LRP1B: variants seen among roughly 807,000 people sequenced by gnomAD.
LRP1B encodes low-density lipoprotein receptor-related protein 1B.
Under a neutral mutation model 556.6 loss-of-function variants are expected in LRP1B, and 217 were observed. That is an observed-to-expected ratio of 0.39 (90% CI 0.35 to 0.44). LRP1B has a LOEUF of 0.44. Ranked by LOEUF, LRP1B falls within the 20% of genes least tolerant of loss-of-function variation. The pLI, the probability that LRP1B is intolerant of heterozygous loss-of-function variation, is 1.00. For synonymous variants in LRP1B, 2,047 were observed against 1,865.8 expected (o/e 1.10, Z -2.50); for missense variants, 5,053 against 5,620.8 (o/e 0.90, Z 3.23).
At chr2:141,976,898 T>C (rs1269495829) in intron 1 of LRP1B, among the ~76,000 whole-genome samples, 1 of 152,262 alleles carries the variant, frequency 6.6e-6, no homozygotes, top group Non-Finnish European at 1.5e-5. Context: ...TTTTAAATTA[T>C]TGAATAGAAA....
intron 7 of LRP1B, among the ~76,000 whole-genome samples, chr2:141,107,132 TA>T (rs958383217): frequency 5.9e-5 from 9 of 151,828 alleles, no homozygotes; most frequent in Admixed American, 1.3e-4. Context: ...ATGTGATTTA[TA>T]AAAAAAATAA....
intron 5 of LRP1B, among the ~76,000 whole-genome samples, chr2:141,240,177 A>T (rs1175150943): frequency 1.3e-5 from 2 of 152,112 alleles, no homozygotes; most frequent in East Asian, 3.9e-4. Context: ...GATTTTAGGC[A>T]TCCTGATTAG....
chr2:142,075,620 G>A (rs1705469310), intron 1 of LRP1B, among the ~76,000 whole-genome samples: 2 of 151,966 alleles, frequency 1.3e-5, no homozygotes, highest in Non-Finnish European at 2.9e-5. Context: ...TTAAATGAGA[G>A]TCTCCTTTAG....
intron 18 of LRP1B, 89 bp downstream of exon 18, chr2:140,982,071 G>T (rs1696785716): frequency 1.9e-6 from 2 of 1,039,210 alleles, no homozygotes; most frequent in South Asian, 2.8e-5. Context: ...TACTCATAAA[G>T]AAATAAATAG....
Position 141,515,041 on chromosome 2 carries a change from G to A in LRP1B, c.206-34508C>T, listed in dbSNP as rs148408702. Among the ~76,000 whole-genome samples, 790 of 152,224 alleles carry A rather than the reference G, an allele frequency of 5.2e-3. 7 individuals are homozygous for A. Among genetic ancestry groups the A allele is most frequent in the African/African-American group, 0.018 (750 of 41,546 alleles). Reference sequence around the variant, plus strand: ...ATTCCAGCTGGGCATGGTGGCTCACGCCTGTAATCCCAGCACTTTGGGAGG... The same window carrying A: ...ATTCCAGCTGGGCATGGTGGCTCACACCTGTAATCCCAGCACTTTGGGAGG... On this transcript the variant is annotated intron_variant, in intron 2 of 90. Coordinates refer to ENST00000389484, the MANE Select transcript of LRP1B (RefSeq NM_018557.3).
chr2:141,669,028 G>A (rs1690560849), intron 2 of LRP1B, among the ~76,000 whole-genome samples: 1 of 152,152 alleles, frequency 6.6e-6, no homozygotes, highest in African/African-American at 2.4e-5. Context: ...TATCATAAAT[G>A]TTCTGAGTTA....
chr2:141,796,253 G>A (rs142573089), intron 2 of LRP1B, among the ~76,000 whole-genome samples: 1 of 151,864 alleles, frequency 6.6e-6, no homozygotes, highest in Non-Finnish European at 1.5e-5. Context: ...AATAGTTGTG[G>A]TAATGCCAAC....
chr2:140,814,294 A>G (rs1005772590), intron 31 of LRP1B, among the ~76,000 whole-genome samples: 1 of 152,138 alleles, frequency 6.6e-6, no homozygotes, highest in African/African-American at 2.4e-5. Context: ...AACAGTTTCA[A>G]CCGACAGAGA....
chr2:140,241,552 T>G (rs12053450), intron 87 of LRP1B, among the ~76,000 whole-genome samples: 79,403 of 150,294 alleles, frequency 0.53, 21,750 homozygotes, highest in Non-Finnish European at 0.6. Flanking sequence ...AATAAAAGGT[T>G]TCTTTTTTTC....
chr2:141,715,946 T>C (rs1488895451), intron 2 of LRP1B, among the ~76,000 whole-genome samples: 1 of 152,174 alleles, frequency 6.6e-6, no homozygotes, highest in Non-Finnish European at 1.5e-5. Flanking sequence ...CCTTTTTGTA[T>C]GGGAATATAG....
At chr2:142,114,456 A>T (rs1171632716) in intron 1 of LRP1B, among the ~76,000 whole-genome samples, 1 of 152,178 alleles carries the variant, frequency 6.6e-6, no homozygotes, top group Non-Finnish European at 1.5e-5. Context: ...TATCAAAGAG[A>T]TATCTGTGCC....
intron 2 of LRP1B, among the ~76,000 whole-genome samples, chr2:141,540,124 T>A (rs1412263984): frequency 6.6e-6 from 1 of 151,986 alleles, no homozygotes; most frequent in African/African-American, 2.4e-5. Context: ...ATTTATCACA[T>A]ATATTATTTC....
chr2:141,099,833 T>C (rs1354739681), intron 7 of LRP1B, among the ~76,000 whole-genome samples: 1 of 152,204 alleles, frequency 6.6e-6, no homozygotes, highest in Non-Finnish European at 1.5e-5. Flanking sequence ...TGAGTTTTCT[T>C]TCAGGCCCAT....
chr2:141,954,041 T>A (rs1170636698), intron 1 of LRP1B, among the ~76,000 whole-genome samples: 1 of 152,090 alleles, frequency 6.6e-6, no homozygotes, highest in Non-Finnish European at 1.5e-5. Flanking sequence ...AATAATTACT[T>A]CTATACCTCT....
At chr2:141,762,103 A>G (rs1694574930) in intron 2 of LRP1B, among the ~76,000 whole-genome samples, 1 of 151,830 alleles carries the variant, frequency 6.6e-6, no homozygotes, top group Middle Eastern at 3.2e-3. Flanking sequence ...ATATTTAGTT[A>G]AAAATAATTT....
rs564454388 is a variant in LRP1B at position 141,575,245 on chromosome 2, A to G, written c.206-94712T>C. The stretch of plus-strand genomic sequence containing the variant: ...GCTACAGTAACCAAAACAGCATGGT[A>G]TTGGTACCAAAACAGACATATAGAC... On this transcript the variant is annotated intron_variant, in intron 2 of 90. Transcript: ENST00000389484. Among the ~76,000 whole-genome samples the G allele has an allele frequency of 6.6e-5, 10 of 152,336 alleles. No individual in the cohort carries two copies. In the South Asian group the frequency reaches 1.7e-3, roughly 25 times the overall value.
At chr2:141,179,195 T>G (rs928667324) in intron 7 of LRP1B, among the ~76,000 whole-genome samples, 3 of 152,056 alleles carry the variant, frequency 2.0e-5, no homozygotes, top group African/African-American at 4.8e-5. Context: ...ATTTGGAGGC[T>G]TTTTGATCAT....
chr2:140,714,237 A>G (rs1318950331), intron 37 of LRP1B, among the ~76,000 whole-genome samples: 1 of 152,160 alleles, frequency 6.6e-6, no homozygotes, highest in South Asian at 2.1e-4. Context: ...AAGGCTGAGG[A>G]TGACATGGAG....
At chr2:140,728,446 C>A (rs1450431283) in intron 35 of LRP1B, among the ~76,000 whole-genome samples, 1 of 152,116 alleles carries the variant, frequency 6.6e-6, no homozygotes, top group Non-Finnish European at 1.5e-5. Context: ...TTTAGCTTCA[C>A]AAAGGTAAGC....
Sources: gnomAD v4.1 joint callset for allele counts (sites outside exome capture counted in the v4.1 genomes callset) on GRCh38, gnomAD v4.1.1 for gene constraint, MANE v1.5 for transcripts, NCBI Gene and HGNC (gene_info 2026-07-23, HGNC 2026-07-21) for gene names.